The following LARGE1 variants were observed in gnomAD, a reference collection of about 807,000 sequenced individuals.
LARGE1 encodes the protein LARGE xylosyl- and glucuronyltransferase 1, also known as xylosyl- and glucuronyltransferase LARGE1.
In LARGE1, 43 loss-of-function variants were observed where a neutral mutation model predicts 87.6. That is an observed-to-expected ratio of 0.49 (90% CI 0.38 to 0.63). The LOEUF is 0.63. Ranked by LOEUF, LARGE1 falls within the 30% of genes least tolerant of loss-of-function variation. LARGE1 has a pLI of 0.00. For synonymous variants in LARGE1, 434 were observed against 394.6 expected, an observed-to-expected ratio of 1.10 and a Z score of -1.18; for missense variants, 802 against 1,000.2, an observed-to-expected ratio of 0.80 and a Z score of 2.67.
chr22:33,085,829 A>G, the LARGE1 span, among the ~76,000 whole-genome samples: 7 of 152,218 alleles, frequency 4.6e-5, no homozygotes, highest in African/African-American at 1.7e-4. Flanking sequence ...GATATTGTCT[A>G]GGAATGTAAA....
At chr22:33,740,762 A>G (rs1015707208) in intron 2 of LARGE1, among the ~76,000 whole-genome samples, 4 of 152,224 alleles carry the variant, frequency 2.6e-5, no homozygotes, top group Non-Finnish European at 5.9e-5. Flanking sequence ...CAACCTGCTC[A>G]AAAGCCACAA....
intron 2 of LARGE1, among the ~76,000 whole-genome samples, chr22:33,740,794 A>G (rs1431500378): frequency 1.3e-5 from 2 of 152,242 alleles, no homozygotes; most frequent in African/African-American, 4.8e-5. Flanking sequence ...AAGGTGCGCC[A>G]TTAAATAAAA....
At position 33,274,402 on chromosome 22, in the gene LARGE1, C is replaced by A. The variant is rs899637346; in HGVS notation, c.*25G>T. ...GTGGCACTTCCCCTACAGCATGTCT[C>A]CCCCTAGTGGTGGGCTTCTTGGTGC... is the stretch of plus-strand genomic sequence containing the variant. On this transcript the variant is annotated 3_prime_UTR_variant, in exon 15 of 15. Coordinates refer to ENST00000397394, the MANE Select transcript of LARGE1 (RefSeq NM_133642.5). The A allele has an allele frequency of 1.2e-6, 2 of 1,611,864 alleles. No homozygotes were observed. The highest frequency in any genetic ancestry group is 1.7e-5 in the Admixed American group (1 of 60,008).
chr22:33,379,174 CTT>C (rs11300534), intron 9 of LARGE1, among the ~76,000 whole-genome samples: 87 of 137,216 alleles, frequency 6.3e-4, no homozygotes, highest in Admixed American at 1.1e-3. Context: ...TGGGGAAGTT[CTT>C]TTTTTTTTTT....
intron 5 of LARGE1, among the ~76,000 whole-genome samples, chr22:33,586,837 TCA>T (rs1481148238): frequency 2.6e-5 from 4 of 152,180 alleles, no homozygotes; most frequent in Non-Finnish European, 4.4e-5. Flanking sequence ...TCTGCTCCTT[TCA>T]CAGTCGAGAG....
intron 10 of LARGE1, among the ~76,000 whole-genome samples, chr22:33,325,178 C>T (rs1033102986): frequency 7.9e-5 from 12 of 152,210 alleles, no homozygotes; most frequent in East Asian, 5.8e-4. Context: ...TAACAGTAAA[C>T]GATTCTGTGA....
chr22:33,209,688 C>T (rs1332293715), intron 11 of LARGE1, among the ~76,000 whole-genome samples: 1 of 152,210 alleles, frequency 6.6e-6, no homozygotes, highest in Non-Finnish European at 1.5e-5. Context: ...CTCTGTCTCT[C>T]AGGCTGGAGT....
intron 12 of LARGE1, among the ~76,000 whole-genome samples, chr22:33,295,601 T>A (rs1188903459): frequency 6.6e-6 from 1 of 152,174 alleles, no homozygotes; most frequent in East Asian, 1.9e-4. Flanking sequence ...GGAGGCCACC[T>A]CAGCACAGCC....
Position 33,615,039 on chromosome 22 carries a change from T to G in LARGE1, c.492-10481A>C, listed in dbSNP as rs547313253. ...GACACCACAGTTCTGAGGAGGCCAT[T>G]CCACGGTGTCAGACGCCCTTCTTAG... On this transcript the variant is annotated intron_variant, in intron 4 of 14. Transcript: ENST00000397394. Among the ~76,000 whole-genome samples, 140 of 152,338 alleles carry G rather than the reference T, an allele frequency of 9.2e-4. 2 individuals carry two copies. Among genetic ancestry groups the G allele is most frequent in the Non-Finnish European group, 1.9e-4 (13 of 68,030 alleles).
intron 2 of LARGE1, among the ~76,000 whole-genome samples, chr22:33,664,150 T>G (rs1249113303): frequency 2.0e-5 from 3 of 152,212 alleles, no homozygotes; most frequent in Non-Finnish European, 4.4e-5. Context: ...TGCTTCCCAG[T>G]GCCTGGCACA....
At chr22:33,490,693 T>C (rs776154476) in intron 6 of LARGE1, among the ~76,000 whole-genome samples, 21 of 152,316 alleles carry the variant, frequency 1.4e-4, no homozygotes, top group Non-Finnish European at 2.6e-4. Flanking sequence ...AGGTTCACAT[T>C]TGAAGGCATT....
At position 33,650,749 on chromosome 22, in the gene LARGE1, C is replaced by T. The variant is rs1371661963; in HGVS notation, c.107-81G>A. On this transcript the variant is annotated intron_variant, in intron 2 of 14. Coordinates refer to ENST00000397394, the MANE Select transcript of LARGE1 (RefSeq NM_133642.5). ...CTCCAAGTTCCCCAGACATCCCTTA[C>T]TACATGGCGAGGCTCCTTGCACAAT... 2.7e-6 allele frequency: 4 copies of T among 1,506,494 alleles called. No homozygotes were observed. The East Asian group carries it at 6.9e-5, about 26-fold the overall frequency. 93.3% of individuals were successfully genotyped at this position (1,506,494 alleles called of 1,614,324 possible).
intron 1 of LARGE1, among the ~76,000 whole-genome samples, chr22:33,903,354 C>T (rs2065340384): frequency 6.6e-6 from 1 of 152,092 alleles, no homozygotes; most frequent in African/African-American, 2.4e-5. Flanking sequence ...TGAGAAAATA[C>T]ATTAATATTA....
At chr22:33,303,932 G>T (rs1437337638) in intron 12 of LARGE1, among the ~76,000 whole-genome samples, 2 of 152,188 alleles carry the variant, frequency 1.3e-5, no homozygotes, top group East Asian at 3.9e-4. Flanking sequence ...CCTGAGGAGG[G>T]TATGTTTTCA....
the LARGE1 span, among the ~76,000 whole-genome samples, chr22:33,117,702 A>G: frequency 6.6e-6 from 1 of 152,218 alleles, no homozygotes; most frequent in African/African-American, 2.4e-5. Flanking sequence ...GAGGCATCAG[A>G]CGTTTACAAA....
chr22:33,626,689 A>T (rs2079933096), intron 3 of LARGE1, among the ~76,000 whole-genome samples: 1 of 152,212 alleles, frequency 6.6e-6, no homozygotes, highest in Admixed American at 6.5e-5. Flanking sequence ...ATGAACCAAC[A>T]ATCAGGGATC....
intron 10 of LARGE1, among the ~76,000 whole-genome samples, chr22:33,321,500 C>A (rs1936708529): frequency 6.6e-6 from 1 of 152,230 alleles, no homozygotes; most frequent in South Asian, 2.1e-4. Flanking sequence ...CAGAAGAGCA[C>A]AAGAAATTAT....
At chr22:33,338,662 T>C (rs1601509343) in intron 9 of LARGE1, among the ~76,000 whole-genome samples, 1 of 152,276 alleles carries the variant, frequency 6.6e-6, no homozygotes, top group African/African-American at 2.4e-5. Context: ...CTATAAAGCA[T>C]GTAAATAATG....
chr22:33,799,899 G>C (rs1014006897), intron 1 of LARGE1, among the ~76,000 whole-genome samples: 9 of 152,190 alleles, frequency 5.9e-5, no homozygotes, highest in African/African-American at 2.2e-4. Flanking sequence ...AGGATCTGAA[G>C]TAGGAACTAG....
Sources: gnomAD v4.1 joint callset for allele counts (sites outside exome capture counted in the v4.1 genomes callset) on GRCh38, gnomAD v4.1.1 for gene constraint, MANE v1.5 for transcripts, NCBI Gene and HGNC (gene_info 2026-07-23, HGNC 2026-07-21) for gene names.